RARB: variants seen among roughly 807,000 people sequenced by gnomAD.
RARB encodes the protein retinoic acid receptor beta.
RARB carries 17 observed loss-of-function variants against 51.9 expected under a neutral mutation model. The ratio of observed to expected loss-of-function variants is 0.33; its 90% CI spans 0.22 to 0.49. RARB has a LOEUF of 0.49. Ranked by LOEUF, RARB falls within the 20% of genes least tolerant of loss-of-function variation. The probability of loss-of-function intolerance (pLI) is 0.99; values close to 1 mark genes in which losing one functional copy is unlikely to be tolerated. For missense variants in RARB, 369 were observed against 550.8 expected (o/e 0.67, Z 3.30); for synonymous variants, 215 against 195.4 (o/e 1.10, Z -0.84).
At chr3:25,545,699 C>T (rs1191140627) in intron 3 of RARB, among the ~76,000 whole-genome samples, 1 of 152,148 alleles carries the variant, frequency 6.6e-6, no homozygotes, top group African/African-American at 2.4e-5. Flanking sequence ...GCCCACAGAC[C>T]AAGGGCTGCA....
chr3:25,546,322 A>C (rs1052852307), intron 3 of RARB, among the ~76,000 whole-genome samples: 1 of 152,188 alleles, frequency 6.6e-6, no homozygotes, highest in Non-Finnish European at 1.5e-5. Flanking sequence ...GGTGAATAGC[A>C]TCCAGGTGTC....
chr3:25,063,094 G>A (rs186070706), intron 3 of RARB, among the ~76,000 whole-genome samples: 2 of 151,862 alleles, frequency 1.3e-5, no homozygotes, highest in Non-Finnish European at 2.9e-5. Flanking sequence ...ATAATAAAGG[G>A]TATCAGTGCT....
chr3:25,083,562 C>G (rs1190232864), intron 3 of RARB, among the ~76,000 whole-genome samples: 1 of 152,128 alleles, frequency 6.6e-6, no homozygotes, highest in Non-Finnish European at 1.5e-5. Context: ...TTTATTTAAA[C>G]TATTGAATAT....
intron 3 of RARB, among the ~76,000 whole-genome samples, chr3:25,561,158 T>C (rs1700253166): frequency 2.0e-5 from 3 of 152,148 alleles, no homozygotes; most frequent in Admixed American, 2.0e-4. Context: ...ATTTGTCCAT[T>C]GTTTCTTTCA....
At chr3:25,585,660 C>G (rs148482748) in intron 5 of RARB, among the ~76,000 whole-genome samples, 11 of 152,308 alleles carry the variant, frequency 7.2e-5, no homozygotes, top group Middle Eastern at 3.4e-3. Context: ...GGCCACTCAG[C>G]AGAAGCAGCG....
rs1701776629 is a variant in RARB, at chr3:25,214,628, C to T, written c.178+40053C>T. ...TATTTTAACAGGGCGTCCTGAAATG[C>T]CCCTGAAGGGACTTCAGCACTTGGG... On this transcript the variant is annotated intron_variant, in intron 5 of 11. Coordinates refer to the RARB transcript ENST00000383772. 2.0e-5 allele frequency among the ~76,000 whole-genome samples: 3 copies of T among 152,252 alleles called. No homozygotes were observed. The South Asian group carries it at 6.2e-4, about 32-fold the overall frequency.
intron 2 of RARB, among the ~76,000 whole-genome samples, chr3:25,493,389 G>A (rs563545990): frequency 6.6e-6 from 1 of 152,262 alleles, no homozygotes; most frequent in South Asian, 2.1e-4. Context: ...TAAAAACCAT[G>A]TTTCCCAGAG....
At chr3:24,948,120 T>C (rs1695813328) in intron 2 of RARB, among the ~76,000 whole-genome samples, 1 of 152,294 alleles carries the variant, frequency 6.6e-6, no homozygotes, top group South Asian at 2.1e-4. Flanking sequence ...GCCTGGGGAA[T>C]TGTGCTCAGA....
intron 5 of RARB, among the ~76,000 whole-genome samples, chr3:25,204,793 C>G (rs2125373581): frequency 6.6e-6 from 1 of 152,304 alleles, no homozygotes; most frequent in African/African-American, 2.4e-5. Context: ...GAAGTTTTGT[C>G]TCAGAGTAGT....
chr3:25,380,052 A>T (rs1055959194), intron 5 of RARB, among the ~76,000 whole-genome samples: 2 of 152,188 alleles, frequency 1.3e-5, no homozygotes, highest in African/African-American at 2.4e-5. Context: ...GTTTTGAGGG[A>T]AAGATAATAC....
intron 5 of RARB, among the ~76,000 whole-genome samples, chr3:25,229,990 A>G (rs987386157): frequency 6.6e-6 from 1 of 152,116 alleles, no homozygotes; most frequent in Non-Finnish European, 1.5e-5. Context: ...AGAGTGGGGA[A>G]GGATCTTGAG....
intron 3 of RARB, among the ~76,000 whole-genome samples, chr3:25,117,979 C>A (rs116453589): frequency 9.7e-4 from 148 of 152,264 alleles, no homozygotes; most frequent in Non-Finnish European, 1.8e-3. Flanking sequence ...GAAGTCTTAT[C>A]TCCTTTGTAA....
intron 2 of RARB, among the ~76,000 whole-genome samples, chr3:25,493,492 G>A (rs1696853636): frequency 6.6e-6 from 1 of 152,198 alleles, no homozygotes; most frequent in African/African-American, 2.4e-5. Context: ...CTGCTGGCCT[G>A]GGGTCACACT....
intron 5 of RARB, among the ~76,000 whole-genome samples, chr3:25,299,855 A>G (rs558853178): frequency 1.3e-5 from 2 of 152,322 alleles, no homozygotes; most frequent in African/African-American, 4.8e-5. Flanking sequence ...TTCAAGAGTA[A>G]TTTGCTTTTG....
At chr3:25,480,848 T>C (rs1696192137) in intron 2 of RARB, among the ~76,000 whole-genome samples, 1 of 152,212 alleles carries the variant, frequency 6.6e-6, no homozygotes. Flanking sequence ...TGCTACTGCA[T>C]GCCTCAATGG....
intron 4 of RARB, among the ~76,000 whole-genome samples, chr3:25,134,329 T>C (rs1465937045): frequency 6.6e-6 from 1 of 151,982 alleles, no homozygotes; most frequent in Non-Finnish European, 1.5e-5. Flanking sequence ...GAGGCTGAAA[T>C]AGTGAAGACA....
chr3:24,949,026 C>T (rs1695832311), intron 2 of RARB, among the ~76,000 whole-genome samples: 1 of 152,178 alleles, frequency 6.6e-6, no homozygotes, highest in Non-Finnish European at 1.5e-5. Context: ...GTAGCTGTCT[C>T]TACTGCAGGG....
In RARB at chr3:25,561,721, C is replaced by T. The variant is rs114604115; in HGVS notation, c.449-8037C>T. ...ATGATGAAAATGTCAAGCAGAACTT[C>T]AGTTCATTTGCTAAAAATGTATTGG... On this transcript the variant is annotated intron_variant, in intron 3 of 7. Transcript: ENST00000330688. 3.0e-3 allele frequency among the ~76,000 whole-genome samples: 460 copies of T among 152,256 alleles called. 4 individuals are homozygous for T. Among genetic ancestry groups the T allele is most frequent in the African/African-American group, 0.01 (427 of 41,556 alleles).
intron 5 of RARB, among the ~76,000 whole-genome samples, chr3:25,203,592 G>A (rs1033579361): frequency 6.6e-6 from 1 of 152,074 alleles, no homozygotes; most frequent in African/African-American, 2.4e-5. Flanking sequence ...TCCATGTTTA[G>A]TGCTTCCTTC....
Sources: gnomAD v4.1 joint callset for allele counts (sites outside exome capture counted in the v4.1 genomes callset) on GRCh38, gnomAD v4.1.1 for gene constraint, MANE v1.5 for transcripts, NCBI Gene and HGNC (gene_info 2026-07-23, HGNC 2026-07-21) for gene names.